NHS: variants seen among roughly 807,000 people sequenced by gnomAD.
NHS encodes the protein NHS actin remodeling regulator.
Under a neutral mutation model 72.5 loss-of-function variants are expected in NHS, and 5 were observed. The observed-to-expected ratio is 0.07, with a 90% confidence interval of 0.04 to 0.14. The LOEUF is 0.14. Ranked by LOEUF, NHS falls within the 10% of genes least tolerant of loss-of-function variation. The pLI, the probability that NHS is intolerant of heterozygous loss-of-function variation, is 1.00. For synonymous variants in NHS, 464 were observed against 547.7 expected, an observed-to-expected ratio of 0.85 and a Z score of 2.13; for missense variants, 1,072 against 1,355.7, an observed-to-expected ratio of 0.79 and a Z score of 3.29.
chrX:17,564,885 G>A (rs1195428778), intron 1 of NHS, among the ~76,000 whole-genome samples: 1 of 112,198 alleles, frequency 8.9e-6, no homozygotes, highest in Admixed American at 9.4e-5. Context: ...GTTTCCACAC[G>A]GAGCCTTGCA....
intron 1 of NHS, among the ~76,000 whole-genome samples, chrX:17,582,978 G>C (rs975158157): frequency 1.8e-5 from 2 of 111,830 alleles, no homozygotes; most frequent in Non-Finnish European, 3.8e-5. Flanking sequence ...CTCCCACTGG[G>C]ACCATATGCC....
chrX:17,688,595 G>A (rs984648629), intron 2 of NHS, among the ~76,000 whole-genome samples: 1 of 111,338 alleles, frequency 9.0e-6, no homozygotes, highest in Admixed American at 9.5e-5. Flanking sequence ...TGGGACACGC[G>A]GAGGCCTAGA....
chrX:17,672,176 A>G (rs2066051012), intron 1 of NHS, among the ~76,000 whole-genome samples: 1 of 112,243 alleles, frequency 8.9e-6, no homozygotes, highest in Admixed American at 9.4e-5. Flanking sequence ...GTGGCTTAAT[A>G]AAATTCAGGT....
chrX:17,458,001 A>G (rs1356260991), intron 1 of NHS, among the ~76,000 whole-genome samples: 1 of 111,879 alleles, frequency 8.9e-6, no homozygotes, highest in East Asian at 2.8e-4. Context: ...TAAATATTCT[A>G]TTGAGCCTCT....
At chrX:17,476,328 G>C (rs959925805) in intron 1 of NHS, among the ~76,000 whole-genome samples, 2 of 111,767 alleles carry the variant, frequency 1.8e-5, no homozygotes, top group African/African-American at 6.5e-5. Flanking sequence ...CTCCTGGAAA[G>C]TAGTAAATGG....
intron 1 of NHS, among the ~76,000 whole-genome samples, chrX:17,443,897 A>G (rs781446919): frequency 3.6e-5 from 4 of 112,318 alleles, no homozygotes; most frequent in Non-Finnish European, 3.8e-5. Context: ...TTAAGCAGTT[A>G]CATGTGGGCT....
At chrX:17,607,132 C>G (rs2065684568) in intron 1 of NHS, among the ~76,000 whole-genome samples, 1 of 110,962 alleles carries the variant, frequency 9.0e-6, no homozygotes, top group African/African-American at 3.3e-5. Context: ...TGTCCAGCCT[C>G]AGGGAGTTGA....
rs766501667 is a variant in NHS, at chrX:17,485,065, GTCC to G, written c.565+108746_565+108748del. Among the ~76,000 whole-genome samples, 785 of 111,623 alleles carry G rather than the reference GTCC, an allele frequency of 7.0e-3. 8 individuals carry two copies. Among genetic ancestry groups the G allele is most frequent in the African/African-American group, 0.024 (744 of 30,674 alleles). ...CATTGCACATATTGGCAGCTCCGTT[GTCC>G]TCATAAAAAGAAGCATGATAGAAAG... On this transcript the variant is annotated intron_variant, in intron 1 of 8. Transcript: ENST00000676302.
At chrX:17,532,861 T>A (rs959848275) in intron 1 of NHS, among the ~76,000 whole-genome samples, 1 of 112,143 alleles carries the variant, frequency 8.9e-6, no homozygotes, top group Non-Finnish European at 1.9e-5. Flanking sequence ...TTTCTTAACT[T>A]ATCTGAGCCT....
At chrX:17,646,841 G>A (rs1472895761) in intron 1 of NHS, among the ~76,000 whole-genome samples, 1 of 112,157 alleles carries the variant, frequency 8.9e-6, no homozygotes, top group Non-Finnish European at 1.9e-5. Context: ...ATTTTCTTAT[G>A]TTTATAAGGA....
At chrX:17,547,660 G>C (rs745511184) in intron 1 of NHS, among the ~76,000 whole-genome samples, 1 of 112,957 alleles carries the variant, frequency 8.9e-6, no homozygotes, top group East Asian at 2.8e-4. Flanking sequence ...TTTTATCTGA[G>C]TTGGGAAAAA....
intron 1 of NHS, among the ~76,000 whole-genome samples, chrX:17,476,597 T>A (rs1174260428): frequency 9.0e-6 from 1 of 110,918 alleles, no homozygotes; most frequent in Non-Finnish European, 1.9e-5. Context: ...TGGGTGTGTG[T>A]GTGGGGGTAA....
chrX:17,511,520 G>A (rs759821388), intron 1 of NHS, among the ~76,000 whole-genome samples: 1 of 111,562 alleles, frequency 9.0e-6, no homozygotes, highest in Admixed American at 9.5e-5. Flanking sequence ...ATAAAAAAAA[G>A]CTTCTTAGGC....
intron 1 of NHS, among the ~76,000 whole-genome samples, chrX:17,440,259 A>T (rs972587585): frequency 2.5e-5 from 2 of 78,600 alleles, no homozygotes; most frequent in Admixed American, 1.3e-4. Context: ...ACTCAGTCTT[A>T]AAAAAAAAAA....
chrX:17,527,215 T>C (rs769518388), intron 1 of NHS, among the ~76,000 whole-genome samples: 1 of 112,845 alleles, frequency 8.9e-6, no homozygotes, highest in Admixed American at 9.3e-5. Flanking sequence ...CAGGACTTGT[T>C]CTTTGTTTAT....
At chrX:17,728,864 A>C (rs1371479075) in intron 8 of NHS, 89 bp downstream of exon 8, 19 of 1,118,333 alleles carry the variant, frequency 1.7e-5, no homozygotes, top group Admixed American at 2.2e-5. Context: ...AAATACAGGA[A>C]AGCTTTTTGT....
At chrX:17,457,686 A>C (rs996870732) in intron 1 of NHS, among the ~76,000 whole-genome samples, 2 of 112,093 alleles carry the variant, frequency 1.8e-5, no homozygotes, top group Non-Finnish European at 3.8e-5. Context: ...AGAGCTGGAG[A>C]CTGCGATATT....
chrX:17,499,985 G>A (rs898111864), intron 1 of NHS, among the ~76,000 whole-genome samples: 1 of 112,348 alleles, frequency 8.9e-6, no homozygotes, highest in African/African-American at 3.2e-5. Context: ...CAAATAACAA[G>A]CATGACATCC....
At chrX:17,710,052 T>C (rs2066320788) in intron 3 of NHS, among the ~76,000 whole-genome samples, 1 of 111,601 alleles carries the variant, frequency 9.0e-6, no homozygotes, top group Non-Finnish European at 1.9e-5. Flanking sequence ...AAGAAGTAAG[T>C]CCCTTCTTCC....
Sources: gnomAD v4.1 joint callset for allele counts (sites outside exome capture counted in the v4.1 genomes callset) on GRCh38, gnomAD v4.1.1 for gene constraint, MANE v1.5 for transcripts, NCBI Gene and HGNC (gene_info 2026-07-23, HGNC 2026-07-21) for gene names.